ZFHX3: variants seen among roughly 807,000 people sequenced by gnomAD.
The protein encoded by ZFHX3 is zinc finger homeobox protein 3.
A neutral mutation model predicts 279.1 loss-of-function variants in ZFHX3; 42 were observed. The observed-to-expected ratio is 0.15, with a 90% CI of 0.12 to 0.19. The LOEUF (loss-of-function observed/expected upper bound fraction) is 0.19, where lower values mean the gene tolerates loss of function less well. Ranked by LOEUF, ZFHX3 falls within the 10% of genes least tolerant of loss-of-function variation. The pLI, the probability that ZFHX3 is intolerant of heterozygous loss-of-function variation, is 1.00. For missense variants in ZFHX3, 4,981 were observed against 4,754.0 expected, an observed-to-expected ratio of 1.05 and a Z score of -1.40; for synonymous variants, 2,293 against 1,957.8, an observed-to-expected ratio of 1.17 and a Z score of -4.52.
rs1486193427 is a variant in ZFHX3 at position 72,786,531 on chromosome 16, T to G, written c.*633A>C. ...CTAAAGCAGTTCACATTGTTTTTCTTGAATACTTTCTGCCCATTTTTAAGT... is the reference window on the plus strand; with the variant it reads ...CTAAAGCAGTTCACATTGTTTTTCTGGAATACTTTCTGCCCATTTTTAAGT... On this transcript the variant is annotated 3_prime_UTR_variant, in exon 10 of 10. Coordinates refer to ENST00000268489, the MANE Select transcript of ZFHX3 (RefSeq NM_006885.4). The G allele has an allele frequency of 6.7e-6, 1 of 149,492 alleles. No individual in the cohort carries two copies. The highest frequency in any genetic ancestry group is 1.5e-5 in the Non-Finnish European group (1 of 67,560). The allele number at this position is 149,492 out of a possible 1,614,324, so 9.3% of individuals were successfully genotyped here. A position where few individuals can be genotyped will look rare whatever the true frequency, so the allele number is the denominator to read the frequency against.
In ZFHX3 at chr16:73,648,320, T is replaced by C. The variant is rs1009510825; in HGVS notation, c.-1547+31860A>G. 7.2e-5 allele frequency among the ~76,000 whole-genome samples: 11 copies of C among 152,324 alleles called. No homozygotes were observed. The South Asian group carries it at 1.9e-3, about 26-fold the overall frequency. Reference sequence around the variant, plus strand: ...TTGTCAAAGTCCACATTATTATCAATTGGGTTTATAGGACTAGAAAAAGCT... The same window carrying C: ...TTGTCAAAGTCCACATTATTATCAACTGGGTTTATAGGACTAGAAAAAGCT... On this transcript the variant is annotated intron_variant, in intron 2 of 17. Transcript: ENST00000641206.
At chr16:72,812,697 A>C (rs1185360147) in intron 5 of ZFHX3, among the ~76,000 whole-genome samples, 1 of 152,128 alleles carries the variant, frequency 6.6e-6, no homozygotes, top group Non-Finnish European at 1.5e-5. Context: ...CAGACCCAAG[A>C]GTTTATTCAG....
chr16:73,736,017 G>A (rs1354323574), intron 1 of ZFHX3, among the ~76,000 whole-genome samples: 2 of 151,808 alleles, frequency 1.3e-5, no homozygotes, highest in African/African-American at 4.8e-5. Flanking sequence ...CTAAGCACTG[G>A]ACTCACAGCT....
chr16:73,130,438 G>A (rs375394609), intron 7 of ZFHX3, among the ~76,000 whole-genome samples: 4 of 152,270 alleles, frequency 2.6e-5, no homozygotes, highest in South Asian at 4.2e-4. Context: ...ACTCTTCTCC[G>A]AGAGGGTCTA....
intron 1 of ZFHX3, among the ~76,000 whole-genome samples, chr16:73,003,144 T>G (rs1399011585): frequency 2.0e-5 from 3 of 152,152 alleles, no homozygotes; most frequent in Non-Finnish European, 2.9e-5. Context: ...ATCAATCCCC[T>G]GTAAGATTTT....
intron 2 of ZFHX3, among the ~76,000 whole-genome samples, chr16:73,482,099 C>A (rs554725074): frequency 9.9e-5 from 15 of 152,016 alleles, no homozygotes; most frequent in Non-Finnish European, 1.5e-4. Context: ...AGCCACTCAG[C>A]GCAAGTGTAT....
chr16:73,254,704 C>T (rs528100131), intron 5 of ZFHX3, among the ~76,000 whole-genome samples: 21 of 152,248 alleles, frequency 1.4e-4, no homozygotes, highest in African/African-American at 4.3e-4. Flanking sequence ...AGATTCTCAT[C>T]ATGTTTTTGT....
intron 4 of ZFHX3, among the ~76,000 whole-genome samples, chr16:72,840,015 T>C (rs2037305953): frequency 6.6e-6 from 1 of 151,794 alleles, no homozygotes; most frequent in Non-Finnish European, 1.5e-5. Flanking sequence ...CACACATGAG[T>C]GATAGAGAGT....
chr16:73,889,206 G>A (rs546342105), intron 1 of ZFHX3, among the ~76,000 whole-genome samples: 2 of 152,196 alleles, frequency 1.3e-5, no homozygotes, highest in African/African-American at 2.4e-5. Context: ...TGCTACCTGG[G>A]GACAGATGGG....
intron 1 of ZFHX3, among the ~76,000 whole-genome samples, chr16:73,770,422 C>T (rs548785634): frequency 2.6e-5 from 4 of 152,280 alleles, no homozygotes; most frequent in East Asian, 1.9e-4. Flanking sequence ...TATATAAAAT[C>T]ATAAACTTGT....
At chr16:73,228,610 T>C (rs554565786) in intron 5 of ZFHX3, among the ~76,000 whole-genome samples, 1 of 152,232 alleles carries the variant, frequency 6.6e-6, no homozygotes, top group South Asian at 2.1e-4. Flanking sequence ...CTGCAGTTGG[T>C]TGTGACTGCA....
At chr16:73,066,396 A>C (rs1965753318) in intron 8 of ZFHX3, among the ~76,000 whole-genome samples, 2 of 151,974 alleles carry the variant, frequency 1.3e-5, no homozygotes, top group African/African-American at 2.4e-5. Context: ...CGCGTCCCTA[A>C]TGCCCGGCAC....
chr16:72,793,873 A>T lies in ZFHX3; in HGVS notation c.8809T>A (p.Ser2937Thr). Reference protein sequence around the residue: ...SPGASGSAGKSGDSGDRPGQK... With the variant: ...SPGASGSAGKTGDSGDRPGQK... The stretch of plus-strand genomic sequence containing the variant: ...CCAGGCCGATCTCCGCTGTCACCAG[A>T]TTTGCCTGCAGATCCACTCGCACCA... Residue 2937 changes from serine to threonine, a missense_variant, in exon 9 of 10, where the codon TCT becomes ACT. This residue lies in a region of ZFHX3 where 168 missense variants were observed against 249.1 expected (regional missense o/e 0.67). Transcript: ENST00000268489. The surrounding 1 kb of genome is among the most constrained non-coding windows in gnomAD (Gnocchi z 4.3). The T allele has an allele frequency of 6.2e-7, 1 of 1,614,128 alleles. No individual in the cohort carries two copies. Among genetic ancestry groups the T allele is most frequent in the Non-Finnish European group, 8.5e-7 (1 of 1,180,036 alleles).
chr16:73,333,987 G>A (rs1174951998), intron 3 of ZFHX3, among the ~76,000 whole-genome samples: 1 of 152,082 alleles, frequency 6.6e-6, no homozygotes, highest in Non-Finnish European at 1.5e-5. Flanking sequence ...CTGGGATGCT[G>A]GTTTGAGAAT....
chr16:73,427,989 T>G (rs2017842068), intron 3 of ZFHX3, among the ~76,000 whole-genome samples: 1 of 152,006 alleles, frequency 6.6e-6, no homozygotes, highest in African/African-American at 2.4e-5. Context: ...CCTCGTGAAT[T>G]TATTTAAGTG....
chr16:73,444,955 TAAA>T (rs56235953), intron 3 of ZFHX3, among the ~76,000 whole-genome samples: 34,280 of 68,824 alleles, frequency 0.5, 6,592 homozygotes, highest in South Asian at 0.58. Context: ...CCATCTATAC[TAAA>T]AAAAAAAAAA....
chr16:73,612,020 A>G (rs1443729268), intron 2 of ZFHX3, among the ~76,000 whole-genome samples: 1 of 152,234 alleles, frequency 6.6e-6, no homozygotes, highest in Non-Finnish European at 1.5e-5. Context: ...GCAACTGTAC[A>G]TAACATGTTT....
chr16:73,717,220 A>T (rs2053424758), intron 1 of ZFHX3, among the ~76,000 whole-genome samples: 1 of 152,204 alleles, frequency 6.6e-6, no homozygotes, highest in South Asian at 2.1e-4. Flanking sequence ...TTAGTGTGGA[A>T]TAAAAAGAAA....
Position 73,243,577 on chromosome 16 carries a change from T to A in ZFHX3, c.-1104+13470A>T, listed in dbSNP as rs549040711. The stretch of plus-strand genomic sequence containing the variant: ...TAAGCTATTATATTTGCATTTTATA[T>A]TGAACATCCCTGTAATATTCTCGTT... On this transcript the variant is annotated intron_variant, in intron 5 of 17. Transcript: ENST00000641206. 5.3e-5 allele frequency among the ~76,000 whole-genome samples: 8 copies of A among 152,356 alleles called. No homozygotes were observed. The South Asian group carries it at 1.7e-3, about 32-fold the overall frequency.
Sources: gnomAD v4.1 joint callset for allele counts (sites outside exome capture counted in the v4.1 genomes callset) on GRCh38, gnomAD v4.1.1 for gene constraint, gnomAD v4.1.1 regional missense constraint, Gnocchi (gnomAD v3.1) non-coding constraint, MANE v1.5 for transcripts, NCBI Gene and HGNC (gene_info 2026-07-23, HGNC 2026-07-21) for gene names.